Variants in IBTK observed in about 807,000 individuals in gnomAD.
The protein encoded by IBTK is BTK-binding protein.
In IBTK, 83 loss-of-function variants were observed where a neutral mutation model predicts 154.9. The observed-to-expected ratio is 0.54, with a 90% CI of 0.45 to 0.64. The LOEUF (loss-of-function observed/expected upper bound fraction) is 0.64. Ranked by LOEUF, IBTK falls within the 30% of genes least tolerant of loss-of-function variation. The pLI is 0.00. For synonymous variants in IBTK, 515 were observed against 536.1 expected, an observed-to-expected ratio of 0.96 and a Z score of 0.54; for missense variants, 1,332 against 1,584.6, an observed-to-expected ratio of 0.84 and a Z score of 2.71.
chr6:82,191,836 T>G lies in IBTK; in HGVS notation c.3382A>C (p.Ile1128Leu). The G allele has an allele frequency of 6.2e-7, 1 of 1,612,400 alleles. No homozygotes were observed. Among genetic ancestry groups the G allele is most frequent in the Non-Finnish European group, 8.5e-7 (1 of 1,178,610 alleles). The change falls in exon 24 of 29, where the codon ATA (isoleucine) becomes CTA (leucine). Residue 1128 changes from isoleucine to leucine, a missense_variant. Transcript: ENST00000306270. ...PVVDLRTIME[I>L]EESRQKCGAT... ...CCACATTTTTGTCTACTTTCTTCTA[T>G]TTCCATGATAGTTCTGAGATCCACA... is the stretch of plus-strand genomic sequence containing the variant.
intron 21 of IBTK, 44 bp from the exon 22 acceptor site, chr6:82,196,490 C>A (rs769826293): frequency 1.6e-6 from 2 of 1,229,288 alleles, no homozygotes; most frequent in East Asian, 5.0e-5. Flanking sequence ...ATGCATTAAA[C>A]ATATATGCAT....
At chr6:82,241,344 A>G (rs1770943621) in intron 1 of IBTK, among the ~76,000 whole-genome samples, 1 of 152,142 alleles carries the variant, frequency 6.6e-6, no homozygotes, top group Non-Finnish European at 1.5e-5. Context: ...AAACTGTATC[A>G]TCACCACCAA....
intron 1 of IBTK, among the ~76,000 whole-genome samples, chr6:82,243,803 A>G (rs574301494): frequency 3.9e-5 from 6 of 152,356 alleles, no homozygotes; most frequent in African/African-American, 1.4e-4. Context: ...GGAACTACTT[A>G]CTGGTGAATC....
At position 82,181,977 on chromosome 6, in the gene IBTK, TAGTA is replaced by T; in HGVS notation, c.3623_3626del (p.Leu1208Ter). On this transcript the variant is annotated frameshift_variant, in exon 26 of 29. Coordinates refer to ENST00000306270, the MANE Select transcript of IBTK (RefSeq NM_015525.4). LOFTEE classifies it high-confidence loss of function. ...GGCTAGTAACAGACTTTTTTTCTTC[TAGTA>T]AGAAATCCCGGAATGACTTGGATGA... 1 of 1,606,078 alleles carries T rather than the reference TAGTA, an allele frequency of 6.2e-7. No homozygotes were observed. The highest frequency in any genetic ancestry group is 1.1e-5 in the South Asian group (1 of 88,872).
chr6:82,186,226 A>C (rs1768550881), intron 25 of IBTK, among the ~76,000 whole-genome samples: 1 of 152,152 alleles, frequency 6.6e-6, no homozygotes, highest in South Asian at 2.1e-4. Context: ...ACAATATTGA[A>C]ATTAGACCAA....
At chr6:82,194,421 A>G in intron 23 of IBTK, 58 bp downstream of exon 23, 1 of 1,115,104 alleles carries the variant, frequency 9.0e-7, no homozygotes, top group Non-Finnish European at 1.2e-6. Context: ...ATTAAATTGC[A>G]TTAAAAATGA....
chr6:82,212,884 T>C (rs1769705365), intron 12 of IBTK, 91 bp from the exon 13 acceptor site: 1 of 694,910 alleles, frequency 1.4e-6, no homozygotes, highest in East Asian at 2.6e-5. Context: ...TACATCTAAA[T>C]ATAATACTGT....
At chr6:82,175,557 A>G (rs912720137) in intron 26 of IBTK, among the ~76,000 whole-genome samples, 1 of 152,250 alleles carries the variant, frequency 6.6e-6, no homozygotes, top group Non-Finnish European at 1.5e-5. Flanking sequence ...CAAATAAAAT[A>G]GAGCTATGAT....
rs1043463298 is a variant in IBTK, at chr6:82,186,769, C to T, written c.3575+4304G>A. On this transcript the variant is annotated intron_variant, in intron 25 of 28. Coordinates refer to ENST00000306270, the MANE Select transcript of IBTK (RefSeq NM_015525.4). ...TAACATCTATAATTATCTAAATTAT[C>T]TATAATTGGTCAGTTAGATAAATTT... Among the ~76,000 whole-genome samples the T allele has an allele frequency of 4.6e-5, 7 of 151,988 alleles. No individual in the cohort carries two copies. The East Asian group carries it at 1.3e-3, about 29-fold the overall frequency.
Position 82,200,693 on chromosome 6 carries a change from T to G in IBTK, c.2806A>C (p.Arg936=). 6.4e-7 allele frequency: 1 copy of G among 1,573,908 alleles called. No individual in the cohort carries two copies. Among genetic ancestry groups the G allele is most frequent in the Non-Finnish European group, 8.6e-7 (1 of 1,166,858 alleles). The change falls in exon 20 of 29, where the codon AGA becomes CGA. Residue 936 remains arginine, a synonymous_variant. Coordinates refer to ENST00000306270, the MANE Select transcript of IBTK (RefSeq NM_015525.4). ...FYRKMIPAMD[R]RVITPYQDGP... is the part of the protein sequence containing the mutation. ...TCTTGATATGGTGTAATGACTCTTC[T>G]ATCCATTGCTGGAATCTGCAGAATT...
At position 82,221,177 on chromosome 6, in the gene IBTK, A is replaced by G. The variant is rs550538362; in HGVS notation, c.1125-464T>C. Among the ~76,000 whole-genome samples the G allele has an allele frequency of 2.0e-3, 306 of 152,288 alleles. 1 individual carries two copies. Among genetic ancestry groups the G allele is most frequent in the African/African-American group, 7.2e-3 (300 of 41,568 alleles). On this transcript the variant is annotated intron_variant, in intron 8 of 28. Coordinates refer to ENST00000306270, the MANE Select transcript of IBTK (RefSeq NM_015525.4). Reference sequence around the variant, plus strand: ...CCCTAGCTCTACTAAGACGAAAATCAGCCGGGCATGGTGATGCGCCCCTGT... The same window carrying G: ...CCCTAGCTCTACTAAGACGAAAATCGGCCGGGCATGGTGATGCGCCCCTGT...
At chr6:82,245,434 G>A (rs1216786014) in intron 1 of IBTK, among the ~76,000 whole-genome samples, 1 of 152,104 alleles carries the variant, frequency 6.6e-6, no homozygotes, top group South Asian at 2.1e-4. Flanking sequence ...GCACATCCCT[G>A]TAGTCCCAAC....
chr6:82,198,217 C>T (rs1397318222), intron 21 of IBTK, among the ~76,000 whole-genome samples: 2 of 152,106 alleles, frequency 1.3e-5, no homozygotes, highest in Non-Finnish European at 2.9e-5. Flanking sequence ...ATCTGCTTTT[C>T]CATAAGTCAT....
intron 9 of IBTK, among the ~76,000 whole-genome samples, chr6:82,219,342 T>G (rs1049466531): frequency 2.0e-5 from 3 of 152,184 alleles, no homozygotes; most frequent in Non-Finnish European, 2.9e-5. Flanking sequence ...TATATGCCTA[T>G]AATGACCCAG....
chr6:82,198,281 T>G (rs1228914086), intron 21 of IBTK, among the ~76,000 whole-genome samples: 1 of 152,138 alleles, frequency 6.6e-6, no homozygotes, highest in East Asian at 1.9e-4. Flanking sequence ...TATTCATCCT[T>G]CCATCAATCC....
chr6:82,196,530 G>T, intron 21 of IBTK, 84 bp from the exon 22 acceptor site: 1 of 678,542 alleles, frequency 1.5e-6, no homozygotes, highest in Non-Finnish European at 2.2e-6. Flanking sequence ...AGCTAAAAAA[G>T]CTTTCATTTA....
At position 82,237,693 on chromosome 6, in the gene IBTK, T is replaced by TAGTAGC. The variant is rs1398440213; in HGVS notation, c.321+2472_321+2473insGCTACT. On this transcript the variant is annotated intron_variant, in intron 2 of 28. Transcript: ENST00000306270. ...GTAGTAGTAGTAGTAGTAGTAGTAG[T>TAGTAGC]AGCAGTAATAGTAGAAGATCAGTAG... Among the ~76,000 whole-genome samples the TAGTAGC allele has an allele frequency of 8.1e-3, 1,210 of 149,784 alleles. 18 individuals carry two copies. The highest frequency in any genetic ancestry group is 0.028 in the African/African-American group (1,137 of 40,934).
intron 5 of IBTK, among the ~76,000 whole-genome samples, chr6:82,226,708 G>A (rs1326751994): frequency 6.6e-6 from 1 of 151,674 alleles, no homozygotes; most frequent in East Asian, 2.0e-4. Flanking sequence ...CCAGGTTCAA[G>A]CAATTCTCCT....
intron 2 of IBTK, among the ~76,000 whole-genome samples, chr6:82,239,162 C>T (rs1258546629): frequency 4.6e-5 from 7 of 151,912 alleles, no homozygotes. Context: ...TAATAATAGG[C>T]TGGGCATGGT....
Sources: gnomAD v4.1 joint callset for allele counts (sites outside exome capture counted in the v4.1 genomes callset) on GRCh38, gnomAD v4.1.1 for gene constraint, MANE v1.5 for transcripts, NCBI Gene and HGNC (gene_info 2026-07-23, HGNC 2026-07-21) for gene names.